WAPL: variants seen among roughly 807,000 people sequenced by gnomAD.
WAPL encodes the protein WAPL cohesin release factor.
In WAPL, 5 loss-of-function variants were observed where a neutral mutation model predicts 121.0. That is an observed-to-expected ratio of 0.04 (90% CI 0.02 to 0.09). WAPL has a LOEUF of 0.09. Ranked by LOEUF, WAPL falls within the 10% of genes least tolerant of loss-of-function variation. The probability of loss-of-function intolerance (pLI) is 1.00; values close to 1 mark genes in which losing one functional copy is unlikely to be tolerated. For synonymous variants in WAPL, 480 were observed against 481.5 expected (o/e 1.00, Z 0.04); for missense variants, 999 against 1,410.8 (o/e 0.71, Z 4.68).
At chr10:86,446,568 T>TA in intron 15 of WAPL, 119 bp from the exon 16 acceptor site, 2 of 1,136,838 alleles carry the variant, frequency 1.8e-6, no homozygotes, top group East Asian at 5.1e-5. Context: ...GGTTATGTGA[T>TA]AAAAAGAGGT....
intron 17 of WAPL, among the ~76,000 whole-genome samples, chr10:86,441,913 C>G (rs1849480426): frequency 6.6e-6 from 1 of 152,162 alleles, no homozygotes; most frequent in Admixed American, 6.5e-5. Context: ...CTGACATCAC[C>G]CAAATTAGAC....
intron 2 of WAPL, among the ~76,000 whole-genome samples, chr10:86,506,740 T>C (rs943947443): frequency 6.6e-6 from 1 of 152,094 alleles, no homozygotes; most frequent in Admixed American, 6.6e-5. Context: ...CAGTGAGCAA[T>C]GATCGCACCA....
At chr10:86,462,364 A>G (rs76592818) in intron 9 of WAPL, among the ~76,000 whole-genome samples, 12,106 of 152,228 alleles carry the variant, frequency 0.08, 843 homozygotes, top group East Asian at 0.37. Flanking sequence ...TACCAGTGAA[A>G]ACCTTAAGAC....
rs757750998 is a variant in WAPL, at chr10:86,517,680, A to C, written c.390T>G (p.Ser130=). The change falls in exon 2 of 19, where the codon TCT becomes TCG. Residue 130 remains serine, a synonymous_variant. Transcript: ENST00000298767. ...SHVVVEDTVV[S]DKCFPLEDTL... is the part of the protein sequence containing the mutation. ...TGTCCTCCAAAGGGAAGCATTTATC[A>C]GAAACGACAGTGTCTTCAACGACCA... 6.2e-7 allele frequency: 1 copy of C among 1,614,190 alleles called. No homozygotes were observed. Among genetic ancestry groups the C allele is most frequent in the Admixed American group, 1.7e-5 (1 of 60,032 alleles).
At chr10:86,476,780 C>T (rs779338319) in intron 4 of WAPL, among the ~76,000 whole-genome samples, 1 of 151,452 alleles carries the variant, frequency 6.6e-6, no homozygotes, top group African/African-American at 2.4e-5. Flanking sequence ...CTAACACATT[C>T]GTAAGAAAAC....
At position 86,472,167 on chromosome 10, in the gene WAPL, C is replaced by T; in HGVS notation, c.2030+41G>A. On this transcript the variant is annotated intron_variant, in intron 7 of 18. Transcript: ENST00000298767. This position sits in a 1 kb window ranked among gnomAD's most constrained non-coding sequence, Gnocchi z 4.2. ...AACACCTAGTTGAAAAAATTTAATA[C>T]AGCATGCACATAATTGTAAAATATA... 2 of 1,502,354 alleles carry T rather than the reference C, an allele frequency of 1.3e-6. No homozygotes were observed. The highest frequency in any genetic ancestry group is 1.8e-6 in the Non-Finnish European group (2 of 1,132,096). 93.1% of individuals were successfully genotyped at this position (1,502,354 alleles called of 1,614,324 possible).
rs550872625 is a variant in WAPL at position 86,440,425 on chromosome 10, C to A, written c.3412-2410G>T. On this transcript the variant is annotated intron_variant, in intron 17 of 18. Coordinates refer to ENST00000298767, the MANE Select transcript of WAPL (RefSeq NM_015045.5). ...GCCTCAGCCTCCCGAGTAGCTGGGA[C>A]TACAGGTGCCCACCACCACGCCCGG... 2.7e-4 allele frequency among the ~76,000 whole-genome samples: 41 copies of A among 151,458 alleles called. 1 individual carries two copies. In the South Asian group the frequency reaches 8.4e-3, roughly 31 times the overall value.
In WAPL at chr10:86,500,306, T is replaced by G. The variant is rs1842223152; in HGVS notation, c.937A>C (p.Lys313Gln). The G allele has an allele frequency of 6.2e-7, 1 of 1,614,140 alleles. No individual in the cohort carries two copies. The highest frequency in any genetic ancestry group is 1.7e-5 in the Admixed American group (1 of 60,010). ...KSSQGASNFD[K>Q]LMDGTSQALA... ...GCCTGACTGGTGCCGTCCATCAGCT[T>G]ATCAAAATTTGATGCTCCTTGGGAG... Residue 313 changes from lysine to glutamine, a missense_variant, in exon 3 of 19, where the codon AAG (lysine) becomes CAG (glutamine). Physicochemically the swap from Lys to Gln is moderately conservative, Grantham distance 53. Coordinates refer to ENST00000298767, the MANE Select transcript of WAPL (RefSeq NM_015045.5).
chr10:86,477,438 A>G (rs951829552), intron 4 of WAPL, among the ~76,000 whole-genome samples: 1 of 152,220 alleles, frequency 6.6e-6, no homozygotes, highest in Non-Finnish European at 1.5e-5. Flanking sequence ...ACCTAGCTAA[A>G]TGTTAACAGA....
At chr10:86,483,910 G>A (rs564050862) in intron 4 of WAPL, among the ~76,000 whole-genome samples, 136 of 147,542 alleles carry the variant, frequency 9.2e-4, no homozygotes, top group Admixed American at 6.2e-3. Flanking sequence ...GTAGAGATGG[G>A]GTTTCACCAT....
chr10:86,436,378 C>T lies in WAPL; in HGVS notation c.*1165G>A, dbSNP rs576519462. 6.8e-6 allele frequency: 1 copy of T among 146,604 alleles called. No homozygotes were observed. The highest frequency in any genetic ancestry group is 2.6e-5 in the African/African-American group (1 of 39,098). The allele number at this position is 146,604 out of a possible 1,614,324, so 9.1% of individuals were successfully genotyped here. ...TAGAAAGCCTGTATTCAGGCCCAAT[C>T]AATAAAAAAGGAAAAAAAAAAGTAT... On this transcript the variant is annotated 3_prime_UTR_variant, in exon 19 of 19. Transcript: ENST00000298767.
Position 86,517,618 on chromosome 10 carries a change from A to G in WAPL, c.452T>C (p.Val151Ala), listed in dbSNP as rs1215021252. The change falls in exon 2 of 19, where the codon GTA (valine) becomes GCA (alanine). Residue 151 changes from valine (V) to alanine (A), a missense_variant. Around this residue, in one of 7 missense-constraint regions of WAPL, gnomAD observed 531 missense variants for 563.1 expected, o/e 0.94. Transcript: ENST00000298767. Reference sequence around the variant, plus strand: ...GCTACTTATGCTTGCATCATCTTCTACAATTCGGTTTGTGCTCTTTTCTTT... The same window carrying G: ...GCTACTTATGCTTGCATCATCTTCTGCAATTCGGTTTGTGCTCTTTTCTTT... Reference protein sequence around the residue: ...LGKEKSTNRIVEDDASISSCN... With the variant: ...LGKEKSTNRIAEDDASISSCN... 2.5e-6 allele frequency: 4 copies of G among 1,613,952 alleles called. No homozygotes were observed. Among genetic ancestry groups the G allele is most frequent in the Non-Finnish European group, 1.7e-6 (2 of 1,179,974 alleles).
In WAPL at chr10:86,473,842, TA is replaced by T. The variant is rs749458754; in HGVS notation, c.1740+35del. 2.8e-5 allele frequency: 43 copies of T among 1,511,356 alleles called. No individual in the cohort carries two copies. In the South Asian group the frequency reaches 4.7e-4, roughly 17 times the overall value. 93.6% of individuals were successfully genotyped at this position (1,511,356 alleles called of 1,614,324 possible). On this transcript the variant is annotated intron_variant, in intron 5 of 18. Transcript: ENST00000298767. ...AGTAACTGCTTAATTTATAGCTTAT[TA>T]AAAAACACAAAATAAATAAGTACAG... is the stretch of plus-strand genomic sequence containing the variant.
At chr10:86,511,395 A>T (rs1842461506) in intron 2 of WAPL, among the ~76,000 whole-genome samples, 1 of 152,242 alleles carries the variant, frequency 6.6e-6, no homozygotes, top group Admixed American at 6.5e-5. Context: ...CATCAAGATA[A>T]AACTGCTCTT....
intron 4 of WAPL, among the ~76,000 whole-genome samples, chr10:86,476,260 G>C (rs368399331): frequency 1.5e-4 from 23 of 152,122 alleles, no homozygotes; most frequent in African/African-American, 5.1e-4. Context: ...AGCTACTTGG[G>C]AGGCTGAGGG....
chr10:86,515,934 C>CA (rs1842547668), intron 2 of WAPL, among the ~76,000 whole-genome samples: 1 of 128,810 alleles, frequency 7.8e-6, no homozygotes, highest in African/African-American at 3.0e-5. Context: ...GGTGCGATCT[C>CA]GGCTCACTGC....
At chr10:86,488,577 A>G (rs1451109124) in intron 4 of WAPL, 1 of 152,312 alleles carries the variant, frequency 6.6e-6, no homozygotes, top group Non-Finnish European at 1.5e-5. Flanking sequence ...AGAAAATGCA[A>G]AATAGTGGGA....
intron 3 of WAPL, among the ~76,000 whole-genome samples, chr10:86,498,887 T>C (rs999967646): frequency 6.6e-6 from 1 of 152,222 alleles, no homozygotes; most frequent in Admixed American, 6.5e-5. Flanking sequence ...GAATGCATAC[T>C]TACCTGGCAC....
chr10:86,496,045 C>T (rs1410997448), intron 4 of WAPL, among the ~76,000 whole-genome samples: 2 of 152,108 alleles, frequency 1.3e-5, no homozygotes, highest in Non-Finnish European at 2.9e-5. Flanking sequence ...ACCCAGGAGG[C>T]GGAGGTTGCA....
Sources: gnomAD v4.1 joint callset for allele counts (sites outside exome capture counted in the v4.1 genomes callset) on GRCh38, gnomAD v4.1.1 for gene constraint, gnomAD v4.1.1 regional missense constraint, Gnocchi (gnomAD v3.1) non-coding constraint, MANE v1.5 for transcripts, NCBI Gene and HGNC (gene_info 2026-07-23, HGNC 2026-07-21) for gene names.